The following FGF14 variants were observed in gnomAD, a reference collection of about 807,000 sequenced individuals.
FGF14 encodes the protein fibroblast growth factor 14, also known as fibroblast growth factor homologous factor 4.
In FGF14, 5 loss-of-function variants were observed where a neutral mutation model predicts 25.5. That is an observed-to-expected ratio of 0.20 (90% CI 0.10 to 0.41). FGF14 has a LOEUF of 0.41. FGF14 is among the 10% of genes least tolerant of loss of function. The pLI is 1.00. For synonymous variants in FGF14, 138 were observed against 118.3 expected, an observed-to-expected ratio of 1.17 and a Z score of -1.08; for missense variants, 222 against 320.1, an observed-to-expected ratio of 0.69 and a Z score of 2.34.
At chr13:102,189,950 C>G (rs1170423941) in intron 1 of FGF14, among the ~76,000 whole-genome samples, 1 of 152,104 alleles carries the variant, frequency 6.6e-6, no homozygotes, top group African/African-American at 2.4e-5. Flanking sequence ...TGGTACCAAG[C>G]CATTCATGAG....
At chr13:101,966,139 G>A (rs2037179360) in intron 1 of FGF14, among the ~76,000 whole-genome samples, 1 of 152,144 alleles carries the variant, frequency 6.6e-6, no homozygotes, top group Admixed American at 6.5e-5. Flanking sequence ...TTCTCAGACT[G>A]TAAGCTTATT....
rs1470487039 is a variant in FGF14, at chr13:101,711,674, C to T, written c.*11157G>A. On this transcript the variant is annotated 3_prime_UTR_variant, in exon 5 of 5. Transcript: ENST00000376143. ...TTTCCTTTATTCTCTCTTCCATTCT[C>T]ATCTTTGAAGGTAAAATTTCATTTC... 1 of 152,212 alleles carries T rather than the reference C, an allele frequency of 6.6e-6. No individual in the cohort carries two copies. Among genetic ancestry groups the T allele is most frequent in the East Asian group, 1.9e-4 (1 of 5,190 alleles). 9.4% of individuals were successfully genotyped at this position (152,212 alleles called of 1,614,324 possible). A position where few individuals can be genotyped will look rare whatever the true frequency, so the allele number is the denominator to read the frequency against.
chr13:102,350,383 A>C (rs2057241791), intron 1 of FGF14, among the ~76,000 whole-genome samples: 1 of 152,046 alleles, frequency 6.6e-6, no homozygotes. Context: ...AATTAAAAAA[A>C]AAAAAAAAAA....
chr13:101,878,404 C>G (rs182844806), intron 1 of FGF14, among the ~76,000 whole-genome samples: 309 of 152,228 alleles, frequency 2.0e-3, no homozygotes, highest in Admixed American at 2.4e-3. Context: ...TTCCTTTGGA[C>G]AATTTTATGG....
At chr13:102,004,961 C>A (rs61966483) in intron 1 of FGF14, among the ~76,000 whole-genome samples, 2 of 152,150 alleles carry the variant, frequency 1.3e-5, no homozygotes, top group Non-Finnish European at 2.9e-5. Context: ...GTTAATTAAA[C>A]CTCTTTCCTT....
At chr13:102,176,485 G>A (rs879835910) in intron 1 of FGF14, among the ~76,000 whole-genome samples, 2 of 152,116 alleles carry the variant, frequency 1.3e-5, no homozygotes, top group Non-Finnish European at 2.9e-5. Flanking sequence ...CACTATTTGA[G>A]TGGTAGGTTC....
intron 1 of FGF14, among the ~76,000 whole-genome samples, chr13:101,982,157 A>G (rs937388162): frequency 1.3e-5 from 2 of 152,208 alleles, no homozygotes; most frequent in Admixed American, 1.3e-4. Flanking sequence ...CAACAGGTAT[A>G]AAAAGACTAG....
At chr13:102,389,335 C>G (rs956952625) in intron 1 of FGF14, among the ~76,000 whole-genome samples, 4 of 152,082 alleles carry the variant, frequency 2.6e-5, no homozygotes, top group Non-Finnish European at 1.5e-5. Flanking sequence ...ACTACCTTCT[C>G]AAAACTTCAT....
chr13:101,779,222 C>T (rs183735087), intron 3 of FGF14, among the ~76,000 whole-genome samples: 54 of 152,284 alleles, frequency 3.5e-4, no homozygotes, highest in African/African-American at 1.2e-3. Flanking sequence ...CGGAATCACC[C>T]CCTTTAGTTA....
chr13:102,201,434 A>G (rs963674090), intron 1 of FGF14, among the ~76,000 whole-genome samples: 1 of 152,160 alleles, frequency 6.6e-6, no homozygotes, highest in African/African-American at 2.4e-5. Flanking sequence ...ATCATTTTTC[A>G]AAACCCTCCA....
At chr13:101,745,537 G>A (rs1195180645) in intron 3 of FGF14, among the ~76,000 whole-genome samples, 1 of 151,886 alleles carries the variant, frequency 6.6e-6, no homozygotes, top group East Asian at 1.9e-4. Context: ...TTTAATCCCT[G>A]GTAATCAGTA....
intron 1 of FGF14, among the ~76,000 whole-genome samples, chr13:102,256,723 C>G (rs868665276): frequency 6.6e-6 from 1 of 152,072 alleles, no homozygotes; most frequent in South Asian, 2.1e-4. Context: ...ATTGCTCATG[C>G]TAGAACATAA....
chr13:102,154,555 C>T (rs1413837875), intron 1 of FGF14, among the ~76,000 whole-genome samples: 2 of 152,150 alleles, frequency 1.3e-5, no homozygotes, highest in Non-Finnish European at 2.9e-5. Context: ...CCAGCCACTG[C>T]AAAAACATGC....
chr13:102,218,739 C>T (rs933674849), intron 1 of FGF14, among the ~76,000 whole-genome samples: 1 of 152,048 alleles, frequency 6.6e-6, no homozygotes, highest in Admixed American at 6.5e-5. Context: ...TTTTTATCCT[C>T]ATTTTTATGC....
intron 1 of FGF14, among the ~76,000 whole-genome samples, chr13:102,321,405 A>G (rs934532171): frequency 6.6e-6 from 1 of 152,204 alleles, no homozygotes; most frequent in African/African-American, 2.4e-5. Flanking sequence ...AAAAATAAGT[A>G]TTTAACAATG....
chr13:102,308,916 CAAAAA>C (rs71125061), intron 1 of FGF14, among the ~76,000 whole-genome samples: 7 of 61,994 alleles, frequency 1.1e-4, no homozygotes, highest in South Asian at 5.4e-4. Flanking sequence ...GTTTCTTATA[CAAAAA>C]AAAAAAAAAA....
chr13:101,751,888 T>A (rs74122656), intron 3 of FGF14, among the ~76,000 whole-genome samples: 5,153 of 152,024 alleles, frequency 0.034, 96 homozygotes, highest in Admixed American at 0.042. Context: ...AATGCTGAGA[T>A]GTGGAAACCT....
chr13:102,390,713 AG>A (rs1401828060), intron 1 of FGF14, among the ~76,000 whole-genome samples: 2 of 152,232 alleles, frequency 1.3e-5, no homozygotes, highest in Admixed American at 1.3e-4. Context: ...CCTAGTATAT[AG>A]AAGCATTCTC....
chr13:102,179,372 A>G lies in FGF14; in HGVS notation c.208+222099T>C, dbSNP rs145496916. ...CTCCTGGTTCAAGTTTTTCCACTGT[A>G]AACTGGAGTCTCTCAGCTACTTAAT... On this transcript the variant is annotated intron_variant, in intron 1 of 4. Coordinates refer to the FGF14 transcript ENST00000376131. Among the ~76,000 whole-genome samples, 296 of 152,184 alleles carry G rather than the reference A, an allele frequency of 1.9e-3. 1 individual carries two copies. The highest frequency in any genetic ancestry group is 3.4e-3 in the Non-Finnish European group (232 of 67,976).
Sources: allele counts gnomAD v4.1 joint callset (sites outside exome capture counted in the v4.1 genomes callset), GRCh38; gene constraint gnomAD v4.1.1; transcripts MANE v1.5; gene names NCBI Gene and HGNC (gene_info 2026-07-23, HGNC 2026-07-21).